Variants in OSBPL10 observed in about 807,000 individuals in gnomAD.
OSBPL10 encodes oxysterol-binding protein-related protein 10.
A neutral mutation model predicts 81.7 loss-of-function variants in OSBPL10; 49 were observed. The ratio of observed to expected loss-of-function variants is 0.60; its 90% CI spans 0.48 to 0.76. OSBPL10 has a LOEUF of 0.76. Among genes scored for constraint, OSBPL10 ranks in the 30% least tolerant of loss-of-function variants. OSBPL10 has a pLI of 0.00. For missense variants in OSBPL10, 923 were observed against 987.8 expected (o/e 0.93, Z 0.88); for synonymous variants, 419 against 383.6 (o/e 1.09, Z -1.08).
At chr3:31,850,849 AC>A in intron 3 of OSBPL10, among the ~76,000 whole-genome samples, 1 of 152,350 alleles carries the variant, frequency 6.6e-6, no homozygotes, top group South Asian at 2.1e-4. Context: ...AGAAACAAGT[AC>A]AAAAAAGAAG....
intron 2 of OSBPL10, among the ~76,000 whole-genome samples, chr3:31,999,760 T>G (rs1273570692): frequency 6.6e-6 from 1 of 152,170 alleles, no homozygotes; most frequent in Non-Finnish European, 1.5e-5. Flanking sequence ...GGGATCACCT[T>G]TTCCAAGGCA....
intron 1 of OSBPL10, among the ~76,000 whole-genome samples, chr3:32,066,813 T>G (rs533696533): frequency 6.6e-6 from 1 of 152,262 alleles, no homozygotes; most frequent in South Asian, 2.1e-4. Flanking sequence ...AAAAATGAAA[T>G]TTATGGGAGG....
chr3:31,680,167 C>T (rs1700603150), intron 8 of OSBPL10, among the ~76,000 whole-genome samples: 1 of 152,178 alleles, frequency 6.6e-6, no homozygotes, highest in Admixed American at 6.5e-5. Context: ...CCTCTCGTTC[C>T]TCTAGCCCTG....
chr3:32,003,945 C>G (rs905623861), intron 2 of OSBPL10, among the ~76,000 whole-genome samples: 2 of 152,122 alleles, frequency 1.3e-5, no homozygotes, highest in African/African-American at 4.8e-5. Flanking sequence ...AGAGGTTTTT[C>G]TCTGCAAAAC....
chr3:31,876,526 A>T lies in OSBPL10; in HGVS notation c.458-14T>A. 2 of 1,601,652 alleles carry T rather than the reference A, an allele frequency of 1.2e-6. No individual in the cohort carries two copies. The highest frequency in any genetic ancestry group is 1.7e-5 in the Admixed American group (1 of 60,020). On this transcript the variant is annotated splice_polypyrimidine_tract_variant and intron_variant, in intron 2 of 11. Coordinates refer to ENST00000396556, the MANE Select transcript of OSBPL10 (RefSeq NM_017784.5). ...TTGCATCAGCAGCTAAAATAGAGAA[A>T]ACAGAGAAAGAAATGATTGCAGAGA... is the stretch of plus-strand genomic sequence containing the variant.
intron 2 of OSBPL10, among the ~76,000 whole-genome samples, chr3:32,010,586 C>G (rs920138380): frequency 4.6e-5 from 7 of 152,138 alleles, no homozygotes; most frequent in African/African-American, 9.7e-5. Flanking sequence ...GATTGTCGGA[C>G]AGTGGGTGCA....
At chr3:31,981,552 G>C (rs1698844635), upstream of OSBPL10, among the ~76,000 whole-genome samples, 2 of 152,170 alleles carry the variant, frequency 1.3e-5, no homozygotes, top group African/African-American at 4.8e-5. The surrounding 1 kb of genome is among the most constrained non-coding windows in gnomAD (Gnocchi z 4.5). Context: ...AGGCCGATCT[G>C]CAGGGTGGGC....
At chr3:31,805,710 T>C (rs1699505288) in intron 4 of OSBPL10, among the ~76,000 whole-genome samples, 1 of 152,140 alleles carries the variant, frequency 6.6e-6, no homozygotes, top group Non-Finnish European at 1.5e-5. Flanking sequence ...TGCTCAGCCA[T>C]CACAACCTGC....
At chr3:31,994,835 A>C (rs1228138812) in intron 2 of OSBPL10, among the ~76,000 whole-genome samples, 1 of 152,182 alleles carries the variant, frequency 6.6e-6, no homozygotes. Context: ...CCAATATTTC[A>C]ACGTAGGTTC....
At chr3:31,837,318 AAATTATATATATATATATATAT>A (rs1700377508) in intron 3 of OSBPL10, among the ~76,000 whole-genome samples, 3 of 97,558 alleles carry the variant, frequency 3.1e-5, no homozygotes, top group East Asian at 5.9e-4. Flanking sequence ...ACAGATCCCC[AAATTATATATATATATATATAT>A]ATATATATAT....
intron 2 of OSBPL10, among the ~76,000 whole-genome samples, chr3:32,001,065 G>A (rs1471559680): frequency 1.3e-5 from 2 of 152,192 alleles, no homozygotes; most frequent in Non-Finnish European, 2.9e-5. Context: ...TAAACAGGCA[G>A]AGTTGAGAGA....
chr3:31,683,580 G>T, intron 8 of OSBPL10, 54 bp downstream of exon 8: 1 of 1,567,682 alleles, frequency 6.4e-7, no homozygotes, highest in South Asian at 1.2e-5. Context: ...TCATCTACCA[G>T]GTATAGAAAC....
intron 2 of OSBPL10, among the ~76,000 whole-genome samples, chr3:32,025,049 G>T (rs990129671): frequency 7.9e-5 from 12 of 152,118 alleles, no homozygotes; most frequent in African/African-American, 2.7e-4. Context: ...GAAGTGGTGG[G>T]AGTAGACAGT....
intron 1 of OSBPL10, among the ~76,000 whole-genome samples, chr3:31,941,516 G>T (rs760460833): frequency 2.6e-5 from 4 of 152,134 alleles, no homozygotes; most frequent in Non-Finnish European, 4.4e-5. Flanking sequence ...ATTTGGAAAC[G>T]TACCAAGAGC....
At chr3:31,995,668 TTAAAA>T (rs1699084261) in intron 2 of OSBPL10, among the ~76,000 whole-genome samples, 1 of 152,158 alleles carries the variant, frequency 6.6e-6, no homozygotes, top group African/African-American at 2.4e-5. Context: ...GATTAAGAGA[TTAAAA>T]TAAAGACAGG....
chr3:31,827,692 C>G (rs538918960), intron 4 of OSBPL10, among the ~76,000 whole-genome samples: 4 of 151,958 alleles, frequency 2.6e-5, no homozygotes, highest in African/African-American at 7.2e-5. Flanking sequence ...GTATCTACAT[C>G]TGTAATACAC....
At chr3:31,854,509 AATAT>A (rs1700857043) in intron 3 of OSBPL10, among the ~76,000 whole-genome samples, 1 of 152,236 alleles carries the variant, frequency 6.6e-6, no homozygotes. Flanking sequence ...TCTCCCAAAG[AATAT>A]ATACTTTTTA....
At chr3:31,856,432 C>T (rs1440624186) in intron 3 of OSBPL10, among the ~76,000 whole-genome samples, 1 of 152,114 alleles carries the variant, frequency 6.6e-6, no homozygotes, top group Non-Finnish European at 1.5e-5. Context: ...CTTAATAAAA[C>T]ATGAAAGCAA....
intron 1 of OSBPL10, among the ~76,000 whole-genome samples, chr3:31,913,842 G>A (rs371298347): frequency 1.3e-5 from 2 of 152,300 alleles, no homozygotes; most frequent in East Asian, 1.9e-4. Flanking sequence ...GAGAATGGGA[G>A]AACTCTCATA....
Sources: gnomAD v4.1 joint callset for allele counts (sites outside exome capture counted in the v4.1 genomes callset) on GRCh38, gnomAD v4.1.1 for gene constraint, Gnocchi (gnomAD v3.1) non-coding constraint, MANE v1.5 for transcripts, NCBI Gene and HGNC (gene_info 2026-07-23, HGNC 2026-07-21) for gene names.